Variants in DDAH1 observed in about 807,000 individuals in gnomAD.
DDAH1 encodes the protein N(G),N(G)-dimethylarginine dimethylaminohydrolase 1.
DDAH1 carries 19 observed loss-of-function variants against 28.8 expected under a neutral mutation model. The ratio of observed to expected loss-of-function variants is 0.66; its 90% CI spans 0.46 to 0.97. The LOEUF is 0.97. Ranked by LOEUF, DDAH1 falls within the 50% of genes least tolerant of loss-of-function variation. DDAH1 has a pLI of 0.00. For synonymous variants in DDAH1, 153 were observed against 154.4 expected (o/e 0.99, Z 0.07); for missense variants, 326 against 375.9 (o/e 0.87, Z 1.10).
At chr1:85,568,419 C>T (rs1226435088) in intron 1 of DDAH1, among the ~76,000 whole-genome samples, 1 of 152,146 alleles carries the variant, frequency 6.6e-6, no homozygotes. Flanking sequence ...ATATGCTCTC[C>T]CTTCTTATCC....
At chr1:85,481,098 G>GTTTTTTT (rs71075839) in intron 2 of DDAH1, among the ~76,000 whole-genome samples, 9 of 113,470 alleles carry the variant, frequency 7.9e-5, no homozygotes, top group African/African-American at 1.3e-4. Flanking sequence ...TGGGTTTTTT[G>GTTTTTTT]TTTTTTTTTT....
intron 1 of DDAH1, among the ~76,000 whole-genome samples, chr1:85,566,298 G>C (rs1403979100): frequency 6.6e-6 from 1 of 151,680 alleles, no homozygotes; most frequent in Non-Finnish European, 1.5e-5. Context: ...TCCAGCCCAG[G>C]AGTTCAGCCT....
At chr1:85,344,022 T>C (rs1648678388) in intron 4 of DDAH1, among the ~76,000 whole-genome samples, 1 of 152,204 alleles carries the variant, frequency 6.6e-6, no homozygotes, top group African/African-American at 2.4e-5. Flanking sequence ...AGTTAGTTAT[T>C]TCAGGAAGTA....
chr1:85,527,514 G>A (rs1657915516), intron 1 of DDAH1, among the ~76,000 whole-genome samples: 1 of 152,230 alleles, frequency 6.6e-6, no homozygotes, highest in African/African-American at 2.4e-5. Flanking sequence ...TCAGACCAGA[G>A]AGAGATGGAG....
intron 1 of DDAH1, chr1:85,379,608 A>T (rs1374665030): frequency 5.1e-6 from 5 of 985,300 alleles, no homozygotes; most frequent in Non-Finnish European, 6.0e-6. Context: ...CAGCCTGCAG[A>T]GCCACACCAC....
chr1:85,535,910 C>T (rs540160966), intron 1 of DDAH1, among the ~76,000 whole-genome samples: 78 of 152,290 alleles, frequency 5.1e-4, no homozygotes, highest in African/African-American at 1.4e-3. Flanking sequence ...GACATACAAA[C>T]GGACAACAGG....
chr1:85,358,990 T>C (rs1649640603), intron 1 of DDAH1, 143 bp from the exon 2 acceptor site: 1 of 554,820 alleles, frequency 1.8e-6, no homozygotes. Context: ...TCCTTGTGAA[T>C]ATATAATGTA....
chr1:85,458,935 A>C (rs1655013918), intron 1 of DDAH1, among the ~76,000 whole-genome samples: 1 of 152,224 alleles, frequency 6.6e-6, no homozygotes, highest in South Asian at 2.1e-4. Context: ...CCAGATCTCC[A>C]GTCAAAAAAT....
At chr1:85,480,472 C>T (rs112785803) in intron 2 of DDAH1, among the ~76,000 whole-genome samples, 2 of 152,242 alleles carry the variant, frequency 1.3e-5, no homozygotes, top group South Asian at 2.1e-4. Context: ...CAGGCAGGTG[C>T]GGTGGCTCAC....
At chr1:85,346,387 G>A (rs1462073493) in intron 4 of DDAH1, among the ~76,000 whole-genome samples, 1 of 152,188 alleles carries the variant, frequency 6.6e-6, no homozygotes. Context: ...CTGGATACCA[G>A]TAAAAAATGG....
intron 2 of DDAH1, among the ~76,000 whole-genome samples, chr1:85,356,769 G>C (rs1006230324): frequency 1.3e-5 from 2 of 152,174 alleles, no homozygotes; most frequent in African/African-American, 4.8e-5. Flanking sequence ...TAAATGCTTA[G>C]TACCTACTTT....
chr1:85,386,290 C>T (rs1651251189), intron 1 of DDAH1, among the ~76,000 whole-genome samples: 1 of 152,158 alleles, frequency 6.6e-6, no homozygotes, highest in Admixed American at 6.5e-5. Flanking sequence ...CAGCTGGGAG[C>T]CTGTACCATC....
chr1:85,557,671 C>T (rs1274045752), intron 1 of DDAH1, among the ~76,000 whole-genome samples: 2 of 152,084 alleles, frequency 1.3e-5, no homozygotes, highest in Non-Finnish European at 2.9e-5. Context: ...GAGTCCTAAC[C>T]CCCAGTATCT....
In DDAH1 at chr1:85,324,040, C is replaced by T. The variant is rs539302522; in HGVS notation, c.741+700G>A. Among the ~76,000 whole-genome samples, 11 of 150,222 alleles carry T rather than the reference C, an allele frequency of 7.3e-5. No homozygotes were observed. The South Asian group carries it at 1.3e-3, about 17-fold the overall frequency. ...ATTCCAGCACTTTAGGAGGCCCAGG[C>T]GGGCAGACTGCTTGAGCTCACGAAT... On this transcript the variant is annotated intron_variant, in intron 5 of 5. Coordinates refer to ENST00000284031, the MANE Select transcript of DDAH1 (RefSeq NM_012137.4).
intron 1 of DDAH1, chr1:85,399,036 G>C (rs575071549): frequency 6.6e-6 from 1 of 152,094 alleles, no homozygotes; most frequent in Admixed American, 6.5e-5. Flanking sequence ...AATTGCTACC[G>C]ACTAAATGAA....
At chr1:85,369,222 ATT>A (rs34408053) in intron 1 of DDAH1, among the ~76,000 whole-genome samples, 41 of 133,728 alleles carry the variant, frequency 3.1e-4, no homozygotes, top group African/African-American at 3.9e-4. Context: ...CCAATGGCCA[ATT>A]TTTTTTTTTT....
intron 1 of DDAH1, among the ~76,000 whole-genome samples, chr1:85,403,831 G>T (rs977245956): frequency 1.1e-4 from 16 of 152,146 alleles, no homozygotes; most frequent in African/African-American, 3.9e-4. Flanking sequence ...GGATGTTTCA[G>T]TCTATTTTAT....
intron 1 of DDAH1, among the ~76,000 whole-genome samples, chr1:85,567,980 G>T (rs1049717246): frequency 3.9e-5 from 6 of 152,044 alleles, no homozygotes; most frequent in African/African-American, 1.2e-4. Context: ...GTTAAACACA[G>T]TTTATTTTCT....
intron 1 of DDAH1, among the ~76,000 whole-genome samples, chr1:85,446,776 T>C (rs1654446849): frequency 1.3e-5 from 2 of 152,174 alleles, no homozygotes; most frequent in African/African-American, 4.8e-5. Flanking sequence ...ATCAAGTTTC[T>C]GGGTAGAAAC....
Sources: gnomAD v4.1 joint callset for allele counts (sites outside exome capture counted in the v4.1 genomes callset) on GRCh38, gnomAD v4.1.1 for gene constraint, MANE v1.5 for transcripts, NCBI Gene and HGNC (gene_info 2026-07-23, HGNC 2026-07-21) for gene names.